The following PDE4D variants were observed in gnomAD, a reference collection of about 807,000 sequenced individuals.
PDE4D encodes phosphodiesterase 4D, also known as 3',5'-cyclic-AMP phosphodiesterase 4D.
Under a neutral mutation model 87.4 loss-of-function variants are expected in PDE4D, and 24 were observed. The observed-to-expected ratio is 0.27, with a 90% confidence interval of 0.20 to 0.39. The LOEUF is 0.39. Ranked by LOEUF, PDE4D falls within the 10% of genes least tolerant of loss-of-function variation. PDE4D has a pLI of 1.00. For missense variants in PDE4D, 714 were observed against 1,041.0 expected (o/e 0.69, Z 4.32); for synonymous variants, 384 against 383.2 (o/e 1.00, Z -0.02).
At chr5:59,836,782 C>A (rs957572548) in intron 1 of PDE4D, among the ~76,000 whole-genome samples, 1 of 151,956 alleles carries the variant, frequency 6.6e-6, no homozygotes, top group Non-Finnish European at 1.5e-5. Context: ...AACAGGAGAG[C>A]ATGAGAGAGA....
intron 1 of PDE4D, among the ~76,000 whole-genome samples, chr5:59,882,092 C>T (rs1474810660): frequency 6.6e-6 from 1 of 152,164 alleles, no homozygotes; most frequent in Non-Finnish European, 1.5e-5. Context: ...CTATTTATGG[C>T]AGTTTCTGAG....
chr5:59,030,996 G>A (rs185490608), intron 6 of PDE4D, among the ~76,000 whole-genome samples: 63 of 152,016 alleles, frequency 4.1e-4, no homozygotes, highest in African/African-American at 1.4e-3. Flanking sequence ...TGCTCTCCCT[G>A]CACCCATCCC....
intron 5 of PDE4D, among the ~76,000 whole-genome samples, chr5:59,084,429 T>C (rs1580714033): frequency 6.6e-6 from 1 of 151,850 alleles, no homozygotes; most frequent in Non-Finnish European, 1.5e-5. Context: ...ATAGAGACTA[T>C]ATAAACAATA....
intron 1 of PDE4D, among the ~76,000 whole-genome samples, chr5:59,764,561 A>G (rs551780033): frequency 6.6e-6 from 1 of 152,316 alleles, no homozygotes; most frequent in Admixed American, 6.5e-5. Flanking sequence ...GGATCATGAA[A>G]ACCCAAGAGA....
chr5:59,114,971 G>A, intron 5 of PDE4D, among the ~76,000 whole-genome samples: 1 of 152,104 alleles, frequency 6.6e-6, no homozygotes, highest in East Asian at 1.9e-4. Context: ...ATAACTGATG[G>A]AAGATACAGG....
intron 1 of PDE4D, among the ~76,000 whole-genome samples, chr5:60,226,392 C>T (rs1355788680): frequency 6.6e-6 from 1 of 151,992 alleles, no homozygotes; most frequent in Non-Finnish European, 1.5e-5. Context: ...TAAATCACAG[C>T]TGCTCAAATA....
intron 1 of PDE4D, among the ~76,000 whole-genome samples, chr5:59,653,197 CAA>C (rs1030161341): frequency 8.5e-6 from 1 of 118,254 alleles, no homozygotes. Flanking sequence ...ATAATGTTAG[CAA>C]AAAAAAAAAT....
intron 2 of PDE4D, among the ~76,000 whole-genome samples, chr5:60,057,347 T>C (rs921759178): frequency 1.3e-5 from 2 of 152,072 alleles, no homozygotes; most frequent in Non-Finnish European, 2.9e-5. Context: ...TTCTAGGTCA[T>C]CTGCAATAAG....
intron 1 of PDE4D, among the ~76,000 whole-genome samples, chr5:60,428,886 G>C (rs1390524692): frequency 6.6e-6 from 1 of 152,186 alleles, no homozygotes; most frequent in African/African-American, 2.4e-5. Flanking sequence ...GTCATGCTGA[G>C]AACCAGAATT....
intron 2 of PDE4D, among the ~76,000 whole-genome samples, chr5:60,057,557 A>G (rs1306814437): frequency 6.6e-6 from 1 of 151,772 alleles, no homozygotes; most frequent in East Asian, 1.9e-4. Flanking sequence ...CACATAGAAA[A>G]CTGTATTGCT....
At chr5:60,256,550 C>T (rs1749073708) in intron 1 of PDE4D, among the ~76,000 whole-genome samples, 1 of 151,754 alleles carries the variant, frequency 6.6e-6, no homozygotes, top group Non-Finnish European at 1.5e-5. Flanking sequence ...GAAAGAGAAT[C>T]AAACAACTGC....
At chr5:59,797,090 AC>A (rs1271024420) in intron 1 of PDE4D, 2 of 151,400 alleles carry the variant, frequency 1.3e-5, no homozygotes, top group Non-Finnish European at 1.5e-5. Flanking sequence ...GTCAGATCAA[AC>A]CTAAAATGCA....
chr5:59,028,134 T>G (rs560680746), intron 6 of PDE4D, among the ~76,000 whole-genome samples: 1 of 152,244 alleles, frequency 6.6e-6, no homozygotes, highest in African/African-American at 2.4e-5. Flanking sequence ...TAGAAAAAGC[T>G]CAGAGATTTT....
Position 60,231,266 on chromosome 5 carries a change from G to T in PDE4D, c.-89-45579C>A, listed in dbSNP as rs184616312. Among the ~76,000 whole-genome samples the T allele has an allele frequency of 7.2e-4, 110 of 151,988 alleles. 2 individuals are homozygous for T. The highest frequency in any genetic ancestry group is 6.5e-3 in the Admixed American group (99 of 15,228). On this transcript the variant is annotated intron_variant, in intron 1 of 16. Transcript: ENST00000502484. The stretch of plus-strand genomic sequence containing the variant: ...AGCTATAGTGATTAGTTCAATTGGG[G>T]TCATATGACCTGCATCAGTCTTGTG...
intron 1 of PDE4D, among the ~76,000 whole-genome samples, chr5:59,368,934 T>C (rs1783519527): frequency 6.6e-6 from 1 of 152,190 alleles, no homozygotes; most frequent in African/African-American, 2.4e-5. Flanking sequence ...TAAAAAGCAA[T>C]GGCAACACCA....
chr5:59,162,870 G>C (rs561230694), intron 5 of PDE4D, among the ~76,000 whole-genome samples: 92 of 81,502 alleles, frequency 1.1e-3, no homozygotes, highest in African/African-American at 3.7e-3. Context: ...AAAAAAAATT[G>C]TAATTAAATC....
rs111590387 is a variant in PDE4D, at chr5:59,286,009, C to T, written c.456-70041G>A. On this transcript the variant is annotated intron_variant, in intron 1 of 14. Transcript: ENST00000340635. ...ATGTATCTCTGGCAGGATTATCCTT[C>T]CTTTCTTTTACCTCTCTTTTTGGTA... Among the ~76,000 whole-genome samples the T allele has an allele frequency of 3.3e-4, 50 of 152,322 alleles. 2 individuals carry two copies. Among genetic ancestry groups the T allele is most frequent in the African/African-American group, 1.2e-3 (48 of 41,574 alleles).
intron 1 of PDE4D, among the ~76,000 whole-genome samples, chr5:59,694,750 G>A (rs765593220): frequency 4.6e-5 from 7 of 152,132 alleles, no homozygotes; most frequent in East Asian, 3.9e-4. Flanking sequence ...ATGGATCTAC[G>A]GTGATGTTTG....
chr5:59,051,865 C>A (rs369308180), intron 5 of PDE4D, among the ~76,000 whole-genome samples: 4 of 152,128 alleles, frequency 2.6e-5, no homozygotes, highest in Admixed American at 2.0e-4. Context: ...TCTCCACTAA[C>A]GACATTTTAT....
Sources: gnomAD v4.1 joint callset for allele counts (sites outside exome capture counted in the v4.1 genomes callset) on GRCh38, gnomAD v4.1.1 for gene constraint, MANE v1.5 for transcripts, NCBI Gene and HGNC (gene_info 2026-07-23, HGNC 2026-07-21) for gene names.